Variants in MICAL3 observed in about 807,000 individuals in gnomAD.
MICAL3 encodes the protein [F-actin]-monooxygenase MICAL3.
A neutral mutation model predicts 207.4 loss-of-function variants in MICAL3; 62 were observed. The observed-to-expected ratio is 0.30, with a 90% CI of 0.24 to 0.37. The LOEUF (loss-of-function observed/expected upper bound fraction) is 0.37, where lower values mean the gene tolerates loss of function less well. Among genes scored for constraint, MICAL3 ranks in the 10% least tolerant of loss-of-function variants. The pLI, the probability that MICAL3 is intolerant of heterozygous loss-of-function variation, is 1.00. For missense variants in MICAL3, 2,368 were observed against 2,635.6 expected, an observed-to-expected ratio of 0.90 and a Z score of 2.22; for synonymous variants, 1,077 against 1,069.3, an observed-to-expected ratio of 1.01 and a Z score of -0.14.
chr22:17,896,994 A>G lies in MICAL3; in HGVS notation c.949-13T>C, dbSNP rs569880315. The G allele has an allele frequency of 1.2e-6, 2 of 1,604,882 alleles. No homozygotes were observed. Among genetic ancestry groups the G allele is most frequent in the South Asian group, 2.2e-5 (2 of 90,034 alleles). On this transcript the variant is annotated splice_polypyrimidine_tract_variant and intron_variant, in intron 7 of 31. Transcript: ENST00000441493. ...TGTCGGCGTAGTCCTGTCTCCAGAG[A>G]AAGAGGAGGGTAGGGATGGAGAAGC...
chr22:17,850,043 G>T (rs1173788637), intron 19 of MICAL3, among the ~76,000 whole-genome samples: 6 of 152,096 alleles, frequency 3.9e-5, no homozygotes, highest in Admixed American at 2.0e-4. Context: ...TTCATTTGGG[G>T]TAACTTTACT....
At chr22:17,980,766 T>C (rs1178872239) in intron 1 of MICAL3, 4 of 462,002 alleles carry the variant, frequency 8.7e-6, no homozygotes, top group Admixed American at 2.0e-5. Context: ...CCGCCCGTCT[T>C]ATCATTCCGC....
rs2146073462 is a variant in MICAL3 at position 17,841,592 on chromosome 22, A to C, written c.2801+230T>G. ...ACAGACTTGGAGCTGGGGACATGTC[A>C]GGTCCTCAAGGAATAAATACTTCCT... On this transcript the variant is annotated intron_variant, in intron 20 of 31. Coordinates refer to ENST00000441493, the MANE Select transcript of MICAL3 (RefSeq NM_015241.3). This position sits in a 1 kb window ranked among gnomAD's most constrained non-coding sequence, Gnocchi z 4.2. The C allele has an allele frequency of 1.7e-6, 1 of 583,528 alleles. No individual in the cohort carries two copies. The highest frequency in any genetic ancestry group is 2.2e-5 in the South Asian group (1 of 45,856). The allele number at this position is 583,528 out of a possible 1,614,324, so 36.1% of individuals were successfully genotyped here.
rs191560632 is a variant in MICAL3, at chr22:17,912,623, G to A, written c.-74-5737C>T. Among the ~76,000 whole-genome samples the A allele has an allele frequency of 5.3e-5, 8 of 152,150 alleles. No homozygotes were observed. The East Asian group carries it at 1.5e-3, about 29-fold the overall frequency. ...AATTATTTTCATCATTTCCTTTTCA[G>A]ACTGTTCACTATTAGTATATAAAAA... is the stretch of plus-strand genomic sequence containing the variant. On this transcript the variant is annotated intron_variant, in intron 1 of 31. Transcript: ENST00000441493.
At position 17,816,756 on chromosome 22, in the gene MICAL3, G is replaced by A; in HGVS notation, c.5379C>T (p.Phe1793=). The A allele has an allele frequency of 1.9e-6, 3 of 1,551,500 alleles. No homozygotes were observed. The highest frequency in any genetic ancestry group is 2.7e-5 in the African/African-American group (2 of 73,220). The change falls in exon 27 of 32, where the codon TTC becomes TTT. Residue 1793 remains phenylalanine (F), a synonymous_variant. Transcript: ENST00000441493. ...AELQLRRQLS[F]SEDSDLSSDD... ...CGCTGGAGAGGTCTGAGTCCTCGGA[G>A]AAGCTCAGCTGGCGCCGGAGCTGCA... is the stretch of plus-strand genomic sequence containing the variant.
At chr22:17,803,239 G>A (rs1286150813) in intron 29 of MICAL3, among the ~76,000 whole-genome samples, 1 of 152,168 alleles carries the variant, frequency 6.6e-6, no homozygotes, top group Non-Finnish European at 1.5e-5. Context: ...TGAGCCCCAG[G>A]ACAGAGCAAG....
rs377521548 is a variant in MICAL3, at chr22:17,971,032, T to C, written c.-75+53249A>G. Among the ~76,000 whole-genome samples the C allele has an allele frequency of 2.7e-4, 41 of 152,072 alleles. 1 individual carries two copies. In the East Asian group the frequency reaches 7.5e-3, roughly 28 times the overall value. ...CCCCGCCTCTGCCAAAAAAATTAGC[T>C]GGGCACAGTGACATATGCCTGTAAG... On this transcript the variant is annotated intron_variant, in intron 1 of 31. Coordinates refer to ENST00000441493, the MANE Select transcript of MICAL3 (RefSeq NM_015241.3).
chr22:18,002,404 G>A (rs1923096104), intron 1 of MICAL3, among the ~76,000 whole-genome samples: 4 of 152,158 alleles, frequency 2.6e-5, no homozygotes, highest in Admixed American at 2.6e-4. Flanking sequence ...GGAGGCCGAG[G>A]CGAGCAGATC....
intron 19 of MICAL3, among the ~76,000 whole-genome samples, chr22:17,844,632 T>G (rs148408915): frequency 1.3e-5 from 2 of 152,350 alleles, no homozygotes; most frequent in African/African-American, 4.8e-5. Flanking sequence ...AATGGTGTGA[T>G]GAAGGGGCAA....
At chr22:17,897,356 G>A (rs1187344326) in intron 7 of MICAL3, among the ~76,000 whole-genome samples, 2 of 148,090 alleles carry the variant, frequency 1.4e-5, no homozygotes, top group Non-Finnish European at 3.0e-5. Context: ...CCAGGAAGCG[G>A]AGGTTGCAGT....
At chr22:17,852,739 C>G (rs1925469819) in intron 19 of MICAL3, among the ~76,000 whole-genome samples, 1 of 152,194 alleles carries the variant, frequency 6.6e-6, no homozygotes, top group South Asian at 2.1e-4. Flanking sequence ...CTACCTGGCT[C>G]CTACTCACAT....
At chr22:17,867,027 A>T (rs1161705787) in intron 17 of MICAL3, among the ~76,000 whole-genome samples, 1 of 152,226 alleles carries the variant, frequency 6.6e-6, no homozygotes, top group Non-Finnish European at 1.5e-5. Flanking sequence ...CTGATCTCAA[A>T]GCTACAATAA....
intron 1 of MICAL3, among the ~76,000 whole-genome samples, chr22:17,959,250 T>C (rs1934784560): frequency 6.7e-6 from 1 of 149,862 alleles, no homozygotes; most frequent in African/African-American, 2.5e-5. Context: ...CTCCTGACCT[T>C]GTGATCCACC....
chr22:17,855,912 GGCA>G (rs1925834139), intron 19 of MICAL3, among the ~76,000 whole-genome samples: 1 of 152,206 alleles, frequency 6.6e-6, no homozygotes, highest in South Asian at 2.1e-4. Context: ...AATGATGAAG[GGCA>G]GCTCCTGTGT....
rs767417298 is a variant in MICAL3 at position 17,810,721 on chromosome 22, C to A, written c.5538G>T (p.Lys1846Asn). The stretch of plus-strand genomic sequence containing the variant: ...GTTTTACCTGGGCTCGATGCAGCCG[C>A]TTAAGCTCCTCCTGCTTGGCCTGTC... ...ARRQAKQEEL[K>N]RLHRAQIIQR... Residue 1846 changes from lysine to asparagine, a missense_variant, in exon 28 of 32, where the codon AAG becomes AAT. By Grantham distance (94) the Lys-to-Asn change is moderately conservative. Around this residue, in one of 4 missense-constraint regions of MICAL3, gnomAD observed 1,770 missense variants for 1,863.2 expected, o/e 0.95. Transcript: ENST00000441493. The A allele has an allele frequency of 6.2e-7, 1 of 1,613,994 alleles. No individual in the cohort carries two copies.
chr22:17,861,873 A>G (rs901696327), intron 19 of MICAL3: 6 of 985,380 alleles, frequency 6.1e-6, no homozygotes, highest in Non-Finnish European at 7.2e-6. Context: ...ACAATACTTT[A>G]AAGCCGACCT....
intron 1 of MICAL3, among the ~76,000 whole-genome samples, chr22:18,018,438 T>C (rs549327174): frequency 2.4e-4 from 37 of 152,230 alleles, no homozygotes; most frequent in African/African-American, 8.4e-4. Context: ...AATATACATA[T>C]ACAGGCTGGA....
At chr22:17,967,959 C>T (rs1935225910) in intron 1 of MICAL3, among the ~76,000 whole-genome samples, 1 of 151,866 alleles carries the variant, frequency 6.6e-6, no homozygotes, top group Admixed American at 6.6e-5. Flanking sequence ...AGGAGAATCG[C>T]TTGAACCTGG....
intron 27 of MICAL3, chr22:17,815,574 G>C (rs963394842): frequency 6.6e-6 from 1 of 152,304 alleles, no homozygotes; most frequent in Non-Finnish European, 1.5e-5. Context: ...CACTCTCCCT[G>C]TCCCTGAGAA....
Sources: gnomAD v4.1 joint callset for allele counts (sites outside exome capture counted in the v4.1 genomes callset) on GRCh38, gnomAD v4.1.1 for gene constraint, gnomAD v4.1.1 regional missense constraint, Gnocchi (gnomAD v3.1) non-coding constraint, MANE v1.5 for transcripts, NCBI Gene and HGNC (gene_info 2026-07-23, HGNC 2026-07-21) for gene names.